The following RAPGEF5 variants were observed in gnomAD, a reference collection of about 807,000 sequenced individuals.
RAPGEF5 encodes the protein M-Ras-regulated GEF.
RAPGEF5 carries 65 observed loss-of-function variants against 125.2 expected under a neutral mutation model. The observed-to-expected ratio is 0.52, with a 90% CI of 0.43 to 0.64. The LOEUF is 0.64. RAPGEF5 is among the 30% of genes least tolerant of loss of function. RAPGEF5 has a pLI of 0.00. For synonymous variants in RAPGEF5, 391 were observed against 385.9 expected, an observed-to-expected ratio of 1.01 and a Z score of -0.16; for missense variants, 958 against 1,048.1, an observed-to-expected ratio of 0.91 and a Z score of 1.19.
chr7:22,164,722 T>C (rs916607061), intron 12 of RAPGEF5, among the ~76,000 whole-genome samples: 2 of 152,200 alleles, frequency 1.3e-5, no homozygotes, highest in East Asian at 3.8e-4. Flanking sequence ...CACTGATTTA[T>C]AAATTTAGCT....
chr7:22,215,441 T>G (rs543281467), intron 9 of RAPGEF5, among the ~76,000 whole-genome samples: 49 of 152,338 alleles, frequency 3.2e-4, no homozygotes, highest in African/African-American at 1.2e-3. Flanking sequence ...CCTATGTGTC[T>G]CTCTTGGGAT....
intron 16 of RAPGEF5, 76 bp from the exon 17 acceptor site, chr7:22,154,680 C>T (rs1783744290): frequency 6.6e-7 from 1 of 1,506,964 alleles, no homozygotes; most frequent in South Asian, 1.3e-5. Flanking sequence ...ATCAAGGCAC[C>T]TTGATCAACT....
chr7:22,324,359 G>A (rs1325774581), intron 1 of RAPGEF5, among the ~76,000 whole-genome samples: 1 of 152,158 alleles, frequency 6.6e-6, no homozygotes, highest in African/African-American at 2.4e-5. Flanking sequence ...GAGACCAAAG[G>A]AGCCAGACAA....
intron 25 of RAPGEF5, among the ~76,000 whole-genome samples, chr7:22,123,370 G>C (rs149890080): frequency 6.6e-6 from 1 of 152,246 alleles, no homozygotes; most frequent in African/African-American, 2.4e-5. Flanking sequence ...ATTTGAGGCT[G>C]GGGAACACTG....
chr7:22,180,775 A>T lies in RAPGEF5; in HGVS notation c.1204+12592T>A, dbSNP rs974941630. 3.3e-4 allele frequency among the ~76,000 whole-genome samples: 50 copies of T among 152,274 alleles called. 3 individuals are homozygous for T. Among genetic ancestry groups the T allele is most frequent in the African/African-American group, 9.9e-4 (41 of 41,554 alleles). On this transcript the variant is annotated intron_variant, in intron 11 of 25. Transcript: ENST00000665637. ...AAAGGTACATTCAAGGAGTGTTAAGAATACTTAACAATATTAATTCATCCT... is the reference window on the plus strand; with the variant it reads ...AAAGGTACATTCAAGGAGTGTTAAGTATACTTAACAATATTAATTCATCCT...
intron 8 of RAPGEF5, among the ~76,000 whole-genome samples, chr7:22,229,421 A>C (rs1317464357): frequency 6.6e-6 from 1 of 152,218 alleles, no homozygotes; most frequent in Non-Finnish European, 1.5e-5. Flanking sequence ...GAATCCACTT[A>C]ACTTGCTTAA....
intron 13 of RAPGEF5, 77 bp from the exon 14 acceptor site, chr7:22,160,692 C>A: frequency 7.1e-7 from 1 of 1,405,922 alleles, no homozygotes; most frequent in Non-Finnish European, 9.2e-7. Context: ...CCATGGCTAT[C>A]CTAACACAGG....
intron 9 of RAPGEF5, among the ~76,000 whole-genome samples, chr7:22,218,044 C>T (rs544577980): frequency 3.6e-4 from 54 of 152,026 alleles, no homozygotes; most frequent in Admixed American, 6.5e-4. Flanking sequence ...TATACATGTG[C>T]CATGTTGGTG....
chr7:22,257,161 A>G (rs923794254), intron 7 of RAPGEF5, among the ~76,000 whole-genome samples: 1 of 152,240 alleles, frequency 6.6e-6, no homozygotes, highest in East Asian at 1.9e-4. Context: ...ACTACAAGAC[A>G]TAAGATAGTA....
In RAPGEF5 at chr7:22,122,532, G is replaced by A. The variant is rs376850235; in HGVS notation, c.2537-11C>T. ...TTGGAGACAGGTCACCTGTTGTTTA[G>A]AGGGGGAAAAAAGACAATCTCAGGA... is the stretch of plus-strand genomic sequence containing the variant. On this transcript the variant is annotated splice_polypyrimidine_tract_variant and intron_variant, in intron 25 of 25. Coordinates refer to ENST00000665637, the MANE Select transcript of RAPGEF5 (RefSeq NM_012294.5). 299 of 1,592,322 alleles carry A rather than the reference G, an allele frequency of 1.9e-4. 1 individual carries two copies. The African/African-American group carries it at 3.3e-3, about 18-fold the overall frequency.
intron 6 of RAPGEF5, among the ~76,000 whole-genome samples, chr7:22,282,420 T>C (rs1782693953): frequency 6.6e-6 from 1 of 152,200 alleles, no homozygotes; most frequent in Non-Finnish European, 1.5e-5. Context: ...ATGGGCATCA[T>C]TTCATAAAAT....
chr7:22,273,489 A>G (rs1782489989), intron 6 of RAPGEF5, among the ~76,000 whole-genome samples: 1 of 152,200 alleles, frequency 6.6e-6, no homozygotes, highest in African/African-American at 2.4e-5. Context: ...AAGTGCTGGG[A>G]TTACAGGCGT....
intron 1 of RAPGEF5, among the ~76,000 whole-genome samples, chr7:22,335,988 T>C (rs555673257): frequency 6.6e-6 from 1 of 152,306 alleles, no homozygotes; most frequent in South Asian, 2.1e-4. Flanking sequence ...TTTGGTGTTC[T>C]TGTTGATTTT....
chr7:22,225,485 C>A (rs57567841), intron 8 of RAPGEF5, among the ~76,000 whole-genome samples: 1 of 152,206 alleles, frequency 6.6e-6, no homozygotes, highest in Non-Finnish European at 1.5e-5. Flanking sequence ...TCTTCATTCA[C>A]TGGGAGACTT....
intron 7 of RAPGEF5, among the ~76,000 whole-genome samples, chr7:22,265,104 AT>A (rs1334393228): frequency 6.6e-6 from 1 of 152,204 alleles, no homozygotes; most frequent in Non-Finnish European, 1.5e-5. Flanking sequence ...TCAAACATAT[AT>A]CATTTGTATT....
At chr7:22,294,997 C>G (rs968629593) in intron 5 of RAPGEF5, among the ~76,000 whole-genome samples, 1 of 152,186 alleles carries the variant, frequency 6.6e-6, no homozygotes, top group African/African-American at 2.4e-5. Context: ...TATTAACACC[C>G]ATCACCACTC....
intron 9 of RAPGEF5, among the ~76,000 whole-genome samples, chr7:22,206,379 T>C (rs1234260424): frequency 6.6e-6 from 1 of 152,102 alleles, no homozygotes; most frequent in Non-Finnish European, 1.5e-5. Flanking sequence ...AAATCTTACA[T>C]TACAAAAATA....
chr7:22,328,324 C>G (rs368501725), intron 1 of RAPGEF5, among the ~76,000 whole-genome samples: 2 of 152,230 alleles, frequency 1.3e-5, no homozygotes, highest in African/African-American at 4.8e-5. Flanking sequence ...CGGCTTGAGC[C>G]GTGAGGGTTA....
intron 11 of RAPGEF5, among the ~76,000 whole-genome samples, chr7:22,169,610 T>C (rs1309221133): frequency 4.0e-5 from 6 of 151,112 alleles, no homozygotes; most frequent in Non-Finnish European, 7.4e-5. Context: ...ATCCCAGCAC[T>C]TTGAGAGGCC....
Sources: gnomAD v4.1 joint callset for allele counts (sites outside exome capture counted in the v4.1 genomes callset) on GRCh38, gnomAD v4.1.1 for gene constraint, MANE v1.5 for transcripts, NCBI Gene and HGNC (gene_info 2026-07-23, HGNC 2026-07-21) for gene names.